The following CASP6 variants were observed in gnomAD, a reference collection of about 807,000 sequenced individuals.
CASP6 encodes the protein caspase 6, also known as caspase-6.
Under a neutral mutation model 31.8 loss-of-function variants are expected in CASP6, and 20 were observed. The ratio of observed to expected loss-of-function variants is 0.63; its 90% CI spans 0.44 to 0.91. The LOEUF is 0.91. CASP6 is among the 40% of genes least tolerant of loss of function. CASP6 has a pLI of 0.00. For missense variants in CASP6, 328 were observed against 361.1 expected, an observed-to-expected ratio of 0.91 and a Z score of 0.74; for synonymous variants, 130 against 127.8, an observed-to-expected ratio of 1.02 and a Z score of -0.12.
the CASP6 span, among the ~76,000 whole-genome samples, chr4:109,672,837 C>G: frequency 6.6e-6 from 1 of 152,182 alleles, no homozygotes; most frequent in East Asian, 1.9e-4. Context: ...TCCCTCTCCC[C>G]CTTTTTTTGT....
At chr4:109,669,788 CTA>C in the CASP6 span, among the ~76,000 whole-genome samples, 1 of 151,656 alleles carries the variant, frequency 6.6e-6, no homozygotes, top group Non-Finnish European at 1.5e-5. Context: ...CTTTCTTCAG[CTA>C]TGTTTCATCT....
At chr4:109,706,436 G>GA (rs1195781945), upstream of CASP6, among the ~76,000 whole-genome samples, 2 of 151,996 alleles carry the variant, frequency 1.3e-5, no homozygotes, top group Non-Finnish European at 2.9e-5. Flanking sequence ...GATGAGCAAA[G>GA]AAAGTGGTTT....
At chr4:109,684,193 T>G (rs774372732), downstream of CASP6, among the ~76,000 whole-genome samples, 5 of 151,646 alleles carry the variant, frequency 3.3e-5, no homozygotes, top group Admixed American at 6.6e-5. Context: ...CTCCTGAGTA[T>G]CTGGGACTAC....
chr4:109,708,638 G>T, the CASP6 span, among the ~76,000 whole-genome samples: 2 of 152,202 alleles, frequency 1.3e-5, no homozygotes, highest in Non-Finnish European at 2.9e-5. Flanking sequence ...TGGAACTCCA[G>T]TTGGCTGACG....
At chr4:109,706,888 C>CA (rs1730631215), upstream of CASP6, among the ~76,000 whole-genome samples, 1 of 152,120 alleles carries the variant, frequency 6.6e-6, no homozygotes, top group Admixed American at 6.5e-5. Flanking sequence ...GCCTGAGTGA[C>CA]AGAACGAGAC....
rs766901475 is a variant in CASP6, at chr4:109,703,419, A to G, written c.-24T>C. ...ATTGCAGCCAAACGCGCAGCCAGAC[A>G]CCTTGCCCTCCTCTTCCTGAAGCCA... On this transcript the variant is annotated 5_prime_UTR_variant, in exon 1 of 7. Transcript: ENST00000265164. 1.2e-6 allele frequency: 2 copies of G among 1,609,006 alleles called. No homozygotes were observed. Among genetic ancestry groups the G allele is most frequent in the Non-Finnish European group, 1.7e-6 (2 of 1,178,168 alleles).
chr4:109,708,396 C>T (rs1730661613), upstream of CASP6, among the ~76,000 whole-genome samples: 1 of 152,200 alleles, frequency 6.6e-6, no homozygotes, highest in Non-Finnish European at 1.5e-5. Flanking sequence ...TTGGTTATTA[C>T]CATCTTGTTG....
chr4:109,690,963 A>G lies in CASP6; in HGVS notation c.530T>C (p.Val177Ala), dbSNP rs188311108. 6.2e-6 allele frequency: 10 copies of G among 1,613,818 alleles called. No individual in the cohort carries two copies. The East Asian group carries it at 2.0e-4, about 32-fold the overall frequency. The change falls in exon 6 of 7, where the codon GTA becomes GCA. Residue 177 changes from valine (V) to alanine (A), a missense_variant. By Grantham distance (64) the Val-to-Ala change is moderately conservative. Transcript: ENST00000265164. ...QHDVPVIPLDVVDNQTEKLDT... is the reference protein window; with the variant it reads ...QHDVPVIPLDAVDNQTEKLDT... Reference sequence around the variant, plus strand: ...CAACTTCTCTGTCTGATTATCTACTACATCCAAAGGAATGACTGGCACATC... The same window carrying G: ...CAACTTCTCTGTCTGATTATCTACTGCATCCAAAGGAATGACTGGCACATC...
rs774078335 is a variant in CASP6, at chr4:109,691,000, C to T, written c.493G>A (p.Gly165Arg). 62 of 1,610,286 alleles carry T rather than the reference C, an allele frequency of 3.9e-5. No homozygotes were observed. The highest frequency in any genetic ancestry group is 5.1e-5 in the Non-Finnish European group (60 of 1,178,396). The change falls in exon 6 of 7, where the codon GGA becomes AGA. Residue 165 changes from glycine (G) to arginine (R), a missense_variant. Coordinates refer to ENST00000265164, the MANE Select transcript of CASP6 (RefSeq NM_001226.4). ...PKIFIIQACR[G>R]NQHDVPVIPL... The stretch of plus-strand genomic sequence containing the variant: ...ATGACTGGCACATCGTGCTGGTTTC[C>T]CCGACATGCCTACAAGACAAGGAGG...
Position 109,690,840 on chromosome 4 carries a change from C to T in CASP6, c.643+10G>A. On this transcript the variant is annotated intron_variant, in intron 6 of 6. Transcript: ENST00000265164. ...GAGGCAATTATATGTTTGTTTTAAACACCACACACCTTCTGCAACAGAGTA... is the reference window on the plus strand; with the variant it reads ...GAGGCAATTATATGTTTGTTTTAAATACCACACACCTTCTGCAACAGAGTA... 1.3e-6 allele frequency: 2 copies of T among 1,590,598 alleles called. No homozygotes were observed. The highest frequency in any genetic ancestry group is 1.7e-4 in the Middle Eastern group (1 of 5,930).
At chr4:109,678,372 G>A in the CASP6 span, among the ~76,000 whole-genome samples, 1 of 151,648 alleles carries the variant, frequency 6.6e-6, no homozygotes, top group African/African-American at 2.4e-5. Context: ...GGGCGGCCGG[G>A]CAGAGGCGCT....
At chr4:109,668,542 G>A in the CASP6 span, among the ~76,000 whole-genome samples, 1 of 151,876 alleles carries the variant, frequency 6.6e-6, no homozygotes, top group Non-Finnish European at 1.5e-5. Context: ...TTTAAAGTGG[G>A]TTTCTTATAG....
upstream of CASP6, among the ~76,000 whole-genome samples, chr4:109,703,965 T>G (rs5030515): frequency 6.6e-6 from 1 of 152,208 alleles, no homozygotes; most frequent in Non-Finnish European, 1.5e-5. Context: ...TGTCTGCTGT[T>G]GTGATCTGTG....
rs767274523 is a variant in CASP6 at position 109,694,680 on chromosome 4, C to T, written c.328G>A (p.Asp110Asn). 26 of 1,597,528 alleles carry T rather than the reference C, an allele frequency of 1.6e-5. No individual in the cohort carries two copies. The highest frequency in any genetic ancestry group is 4.0e-5 in the African/African-American group (3 of 74,274). ...IHEVSTVSHA[D>N]ADCFVCVFLS... is the part of the protein sequence containing the mutation. The stretch of plus-strand genomic sequence containing the variant: ...AAGACACACACAAAGCAATCGGCAT[C>T]TGCGTGGCTAACAGTTGACACTATA... Residue 110 changes from aspartate to asparagine, a missense_variant, in exon 5 of 7, where the codon GAT becomes AAT. Transcript: ENST00000265164.
the CASP6 span, among the ~76,000 whole-genome samples, chr4:109,682,121 T>C: frequency 2.0e-5 from 3 of 152,222 alleles, no homozygotes; most frequent in African/African-American, 4.8e-5. Flanking sequence ...TAAAGGTGGA[T>C]GCGGTCACCT....
At chr4:109,698,570 A>G (rs1237355189) in intron 1 of CASP6, among the ~76,000 whole-genome samples, 6 of 152,360 alleles carry the variant, frequency 3.9e-5, no homozygotes, top group African/African-American at 1.2e-4. Flanking sequence ...CAAAATAACA[A>G]TCTTATAAAC....
upstream of CASP6, among the ~76,000 whole-genome samples, chr4:109,706,185 A>C (rs1730616486): frequency 7.8e-6 from 1 of 129,024 alleles, no homozygotes; most frequent in African/African-American, 3.4e-5. Flanking sequence ...ACACACATAT[A>C]CACACACACA....
At chr4:109,706,174 C>CATACATACAT (rs1277675493), upstream of CASP6, among the ~76,000 whole-genome samples, 409 of 91,886 alleles carry the variant, frequency 4.5e-3, 9 homozygotes, top group South Asian at 0.026. Context: ...TATATATACA[C>CATACATACAT]ACACACATAT....
the CASP6 span, among the ~76,000 whole-genome samples, chr4:109,671,807 C>T: frequency 6.6e-6 from 1 of 152,074 alleles, no homozygotes; most frequent in Non-Finnish European, 1.5e-5. Flanking sequence ...TTGCTGAAAG[C>T]TAGACATGAT....
Sources: allele counts gnomAD v4.1 joint callset (sites outside exome capture counted in the v4.1 genomes callset), GRCh38; gene constraint gnomAD v4.1.1; transcripts MANE v1.5; gene names NCBI Gene and HGNC (gene_info 2026-07-23, HGNC 2026-07-21).